Variants in FOXP1 observed in about 807,000 individuals in gnomAD.
FOXP1 encodes the protein forkhead box protein P1.
FOXP1 carries 15 observed loss-of-function variants against 98.2 expected under a neutral mutation model. The observed-to-expected ratio is 0.15, with a 90% CI of 0.10 to 0.24. The LOEUF (loss-of-function observed/expected upper bound fraction) is 0.24, where lower values mean the gene tolerates loss of function less well. Ranked by LOEUF, FOXP1 falls within the 10% of genes least tolerant of loss-of-function variation. The pLI is 1.00. For synonymous variants in FOXP1, 371 were observed against 314.5 expected, an observed-to-expected ratio of 1.18 and a Z score of -1.90; for missense variants, 633 against 848.5, an observed-to-expected ratio of 0.75 and a Z score of 3.15.
At chr3:71,015,085 T>C (rs997590846) in intron 12 of FOXP1, among the ~76,000 whole-genome samples, 2 of 151,642 alleles carry the variant, frequency 1.3e-5, no homozygotes, top group South Asian at 2.1e-4. Flanking sequence ...CATGTATACA[T>C]ATGTAACAAA....
At chr3:70,988,906 AG>A (rs2040179919) in intron 13 of FOXP1, among the ~76,000 whole-genome samples, 1 of 152,196 alleles carries the variant, frequency 6.6e-6, no homozygotes, top group Non-Finnish European at 1.5e-5. Flanking sequence ...ATAAAGGGAT[AG>A]TCAAGAGAAC....
chr3:70,970,308 G>A (rs182231001), intron 19 of FOXP1: 2 of 196,324 alleles, frequency 1.0e-5, no homozygotes, highest in East Asian at 1.3e-4. Context: ...TGCTACAGTC[G>A]ACTTTAAAAG....
intron 4 of FOXP1, among the ~76,000 whole-genome samples, chr3:71,315,273 A>T (rs1283882330): frequency 6.6e-6 from 1 of 152,144 alleles, no homozygotes; most frequent in Admixed American, 6.5e-5. Context: ...CTTTCCAGCC[A>T]CACCAGGGCG....
At chr3:71,511,975 A>C (rs528750186) in intron 2 of FOXP1, among the ~76,000 whole-genome samples, 2 of 152,368 alleles carry the variant, frequency 1.3e-5, no homozygotes, top group Admixed American at 1.3e-4. Context: ...TGATGACGAC[A>C]ACAATAATAG....
At chr3:71,300,166 T>A (rs543932226) in intron 4 of FOXP1, among the ~76,000 whole-genome samples, 1 of 152,336 alleles carries the variant, frequency 6.6e-6, no homozygotes, top group African/African-American at 2.4e-5. Flanking sequence ...TTTATTTTCA[T>A]GGAGAATAAT....
chr3:71,231,643 T>C (rs2066295897), intron 5 of FOXP1, among the ~76,000 whole-genome samples: 1 of 152,212 alleles, frequency 6.6e-6, no homozygotes, highest in Non-Finnish European at 1.5e-5. Context: ...TCAGGCAACA[T>C]TTTTAAACTA....
At chr3:71,499,270 C>T (rs1366788583) in intron 2 of FOXP1, among the ~76,000 whole-genome samples, 1 of 152,206 alleles carries the variant, frequency 6.6e-6, no homozygotes, top group Non-Finnish European at 1.5e-5. Context: ...TCTGCCTCCC[C>T]TAGTCCACTT....
intron 11 of FOXP1, 126 bp from the exon 12 acceptor site, chr3:71,015,779 C>T: frequency 3.1e-6 from 2 of 651,922 alleles, no homozygotes; most frequent in Non-Finnish European, 5.6e-6. Context: ...CTGTGATTTC[C>T]CCCATCCCAT....
At chr3:71,056,798 C>T (rs2050705046) in intron 7 of FOXP1, among the ~76,000 whole-genome samples, 1 of 150,902 alleles carries the variant, frequency 6.6e-6, no homozygotes, top group South Asian at 2.1e-4. Context: ...AGACCAGAAA[C>T]TATGGTGGGG....
In FOXP1 at chr3:70,958,301, G is replaced by C. The variant is rs1406232087; in HGVS notation, c.*946C>G. 3.7e-6 allele frequency: 2 copies of C among 534,912 alleles called. No individual in the cohort carries two copies. The highest frequency in any genetic ancestry group is 3.9e-5 in the East Asian group (1 of 25,658). The allele number at this position is 534,912 out of a possible 1,614,324, so 33.1% of individuals were successfully genotyped here. On this transcript the variant is annotated 3_prime_UTR_variant, in exon 21 of 21. Coordinates refer to ENST00000649528, the MANE Select transcript of FOXP1 (RefSeq NM_001349338.3). ...GGAATGAATCGGCATTGTTCCTAGA[G>C]TTTGTCTCTCTTTTTTTTTTCTGTC...
chr3:70,962,343 T>G (rs905371895), intron 20 of FOXP1, among the ~76,000 whole-genome samples: 2 of 152,194 alleles, frequency 1.3e-5, no homozygotes, highest in African/African-American at 2.4e-5. Flanking sequence ...TTGATTTACC[T>G]CCTTAGGATA....
intron 5 of FOXP1, among the ~76,000 whole-genome samples, chr3:71,274,932 T>A (rs980528386): frequency 6.6e-6 from 1 of 152,224 alleles, no homozygotes; most frequent in South Asian, 2.1e-4. Context: ...ATTCTAGAGC[T>A]ACGTTTAAAT....
intron 5 of FOXP1, among the ~76,000 whole-genome samples, chr3:71,266,709 AT>A (rs2069704162): frequency 2.0e-5 from 3 of 152,136 alleles, no homozygotes; most frequent in Admixed American, 2.0e-4. Flanking sequence ...CCACTAAGTA[AT>A]TTTTTAACCC....
chr3:71,207,277 T>C (rs1201294178), intron 5 of FOXP1, among the ~76,000 whole-genome samples: 1 of 151,288 alleles, frequency 6.6e-6, no homozygotes, highest in Non-Finnish European at 1.5e-5. Context: ...ATATTTTCTA[T>C]CATTTAATGT....
At chr3:71,361,023 A>C (rs1254646821) in intron 3 of FOXP1, among the ~76,000 whole-genome samples, 3 of 152,190 alleles carry the variant, frequency 2.0e-5, no homozygotes, top group Non-Finnish European at 4.4e-5. Context: ...TAGTGTGCAT[A>C]AACTCTTTGC....
intron 14 of FOXP1, among the ~76,000 whole-genome samples, chr3:70,983,120 G>A (rs1303219145): frequency 6.6e-6 from 1 of 152,184 alleles, no homozygotes; most frequent in East Asian, 1.9e-4. Context: ...CAGGACAATG[G>A]GTGGCAGCCT....
intron 7 of FOXP1, among the ~76,000 whole-genome samples, chr3:71,060,112 C>G (rs998722095): frequency 1.3e-5 from 2 of 152,046 alleles, no homozygotes; most frequent in African/African-American, 4.8e-5. Context: ...GGGAGCTTAA[C>G]TGCAAATATG....
chr3:70,973,357 G>A (rs1156984379), intron 17 of FOXP1, among the ~76,000 whole-genome samples: 1 of 149,576 alleles, frequency 6.7e-6, no homozygotes, highest in African/African-American at 2.5e-5. Context: ...AAATGCCAAA[G>A]GAACACGAGT....
intron 9 of FOXP1, among the ~76,000 whole-genome samples, chr3:71,049,024 T>C (rs987872021): frequency 6.6e-6 from 1 of 152,112 alleles, no homozygotes; most frequent in African/African-American, 2.4e-5. Flanking sequence ...GCAACACCGG[T>C]TGCCAAACTG....
Sources: allele counts gnomAD v4.1 joint callset (sites outside exome capture counted in the v4.1 genomes callset), GRCh38; gene constraint gnomAD v4.1.1; transcripts MANE v1.5; gene names NCBI Gene and HGNC (gene_info 2026-07-23, HGNC 2026-07-21).